FASN: variants seen among roughly 807,000 people sequenced by gnomAD.
FASN encodes the protein 3-hydroxyacyl-[acyl-carrier-protein] dehydratase.
Under a neutral mutation model 250.0 loss-of-function variants are expected in FASN, and 50 were observed. The observed-to-expected ratio is 0.20, with a 90% CI of 0.16 to 0.25. The LOEUF (loss-of-function observed/expected upper bound fraction) is 0.25. Among genes scored for constraint, FASN ranks in the 10% least tolerant of loss-of-function variants. FASN has a pLI of 1.00. For synonymous variants in FASN, 1,909 were observed against 1,584.0 expected (o/e 1.21, Z -4.87); for missense variants, 3,031 against 3,498.5 (o/e 0.87, Z 3.37).
intron 11 of FASN, among the ~76,000 whole-genome samples, 175 bp from the exon 12 acceptor site, chr17:82,089,901 G>C (rs956746602): frequency 6.6e-6 from 1 of 152,166 alleles, no homozygotes; most frequent in African/African-American, 2.4e-5. Flanking sequence ...GGGTGGAGGT[G>C]TCATTACAGA....
In FASN at chr17:82,079,384, G is replaced by A. The variant is rs1481488193; in HGVS notation, c.7371C>T (p.Asp2457=). The change falls in exon 42 of 43, where the codon GAC becomes GAT. Residue 2457 remains aspartate, a synonymous_variant. Transcript: ENST00000306749. ...RAKTGGAYGE[D]LGADYNLSQV... ...GGGAGAGGTTGTAGTCCGCGCCCAG[G>A]TCCTCGCCGTAGGCGCCACCCGTCT... 6 of 1,613,006 alleles carry A rather than the reference G, an allele frequency of 3.7e-6. No individual in the cohort carries two copies. The African/African-American group carries it at 4.0e-5, about 11-fold the overall frequency.
chr17:82,087,005 C>T, intron 21 of FASN, 45 bp downstream of exon 21: 1 of 1,597,504 alleles, frequency 6.3e-7, no homozygotes. Context: ...GGCGATCGCT[C>T]CTCATCGCCA....
chr17:82,092,862 G>GC (rs2034236776), intron 6 of FASN, 35 bp downstream of exon 6: 5 of 1,588,934 alleles, frequency 3.1e-6, no homozygotes, highest in Middle Eastern at 1.7e-4. Flanking sequence ...GCTCCCACCT[G>GC]CCCCCCAGCA....
In FASN at chr17:82,093,358, G is replaced by A. The variant is rs778037042; in HGVS notation, c.516C>T (p.Tyr172=). 1.9e-6 allele frequency: 3 copies of A among 1,603,728 alleles called. No homozygotes were observed. The highest frequency in any genetic ancestry group is 2.5e-6 in the Non-Finnish European group (3 of 1,176,892). The change falls in exon 5 of 43, where the codon TAC becomes TAT. Residue 172 remains tyrosine, a synonymous_variant. Coordinates refer to ENST00000306749, the MANE Select transcript of FASN (RefSeq NM_004104.5). ...GGCACTGCCCGCTGTGGATGGCCTG[G>A]TAGGCGTTCTGCAGGGCCATCAGGC... ...SSSLMALQNA[Y]QAIHSGQCPA...
In FASN at chr17:82,084,880, T is replaced by C; in HGVS notation, c.4483A>G (p.Lys1495Glu). ...EVDPGSAELQ[K>E]VLQGDLVMNV... ...ATCACCAGGTCTCCCTGCAACACCT[T>C]CTGCAGTTCTGCGGAGCCCGGGTCC... Residue 1495 changes from lysine (K) to glutamate (E), a missense_variant, in exon 26 of 43, where the codon AAG (lysine) becomes GAG (glutamate). By Grantham distance (56) the Lys-to-Glu change is moderately conservative (BLOSUM62 1). Transcript: ENST00000306749. The C allele has an allele frequency of 1.3e-6, 2 of 1,550,740 alleles. No homozygotes were observed. Among genetic ancestry groups the C allele is most frequent in the South Asian group, 2.4e-5 (2 of 84,132 alleles).
chr17:82,093,871 C>T, intron 3 of FASN, 100 bp from the exon 4 acceptor site: 1 of 1,333,956 alleles, frequency 7.5e-7, no homozygotes, highest in African/African-American at 1.5e-5. Flanking sequence ...CTTGGCCTCA[C>T]TGGCTTGGGG....
At chr17:82,087,600 T>G in intron 19 of FASN, 85 bp downstream of exon 19, 1 of 1,600,654 alleles carries the variant, frequency 6.2e-7, no homozygotes, top group Non-Finnish European at 8.5e-7. Context: ...CCAAGCTGCA[T>G]GCCTAGCTGT....
rs200646707 is a variant in FASN at position 82,082,313 on chromosome 17, C to T, written c.6011+10G>A. On this transcript the variant is annotated intron_variant, in intron 35 of 42. Transcript: ENST00000306749. ...CGGCAGAGGCGGGAGCAGGGCTGTGCGGTACCCACCTGTCCAGGTTCAGGG... is the reference window on the plus strand; with the variant it reads ...CGGCAGAGGCGGGAGCAGGGCTGTGTGGTACCCACCTGTCCAGGTTCAGGG... The T allele has an allele frequency of 7.3e-5, 118 of 1,611,834 alleles. No homozygotes were observed. The highest frequency in any genetic ancestry group is 6.5e-4 in the East Asian group (29 of 44,884).
rs201822969 is a variant in FASN at position 82,079,413 on chromosome 17, C to T, written c.7342G>A (p.Ala2448Thr). The T allele has an allele frequency of 3.8e-5, 61 of 1,613,012 alleles. No individual in the cohort carries two copies. In the African/African-American group the frequency reaches 5.3e-4, roughly 14 times the overall value. Residue 2448 changes from alanine to threonine, a missense_variant, in exon 42 of 43, where the codon GCC (alanine) becomes ACC (threonine). Transcript: ENST00000306749. The stretch of plus-strand genomic sequence containing the variant: ...TCGCCGTAGGCGCCACCCGTCTTGG[C>T]GCGCAGTAGCATCACGTTGCCATGG... ...KYHGNVMLLR[A>T]KTGGAYGEDL...
At chr17:82,083,481 C>T in intron 31 of FASN, 36 bp downstream of exon 31, 1 of 1,612,758 alleles carries the variant, frequency 6.2e-7, no homozygotes, top group Non-Finnish European at 8.5e-7. Context: ...CCACACCCAT[C>T]CATGCCCACC....
chr17:82,094,775 G>A (rs11077968), intron 3 of FASN, among the ~76,000 whole-genome samples: 36,321 of 151,392 alleles, frequency 0.24, 5,141 homozygotes, highest in Non-Finnish European at 0.32. Context: ...GTGACAGAGT[G>A]AGACTCCGTC....
chr17:82,087,778 A>G lies in FASN; in HGVS notation c.2950T>C (p.Phe984Leu), dbSNP rs1210552097. The change falls in exon 19 of 43, where the codon TTC (phenylalanine) becomes CTC (leucine). Residue 984 changes from phenylalanine (F) to leucine (L), a missense_variant. Transcript: ENST00000306749. ...SPTPNPTEPL[F>L]LAQAEVYKEL... ...TTGTAAACTTCAGCCTGGGCCAGGA[A>G]GAGGGGCTCCGTGGGGTTGGGGGTG... The G allele has an allele frequency of 6.2e-7, 1 of 1,612,350 alleles. No homozygotes were observed. Among genetic ancestry groups the G allele is most frequent in the African/African-American group, 1.3e-5 (1 of 75,018 alleles).
intron 1 of FASN, among the ~76,000 whole-genome samples, chr17:82,097,696 C>A (rs562875091): frequency 6.6e-6 from 1 of 152,138 alleles, no homozygotes; most frequent in South Asian, 2.1e-4. Flanking sequence ...GGAGGCCGGT[C>A]CCGGCGCGGC....
chr17:82,088,574 G>A lies in FASN; in HGVS notation c.2421-12C>T, dbSNP rs200592174. The A allele has an allele frequency of 2.1e-5, 34 of 1,603,016 alleles. No homozygotes were observed. In the East Asian group the frequency reaches 6.9e-4, roughly 33 times the overall value. ...GGTTGGCGTCGATGCTACGGAGAAG[G>A]GAGGCATGGGTAGCACACCCGTCAC... On this transcript the variant is annotated splice_polypyrimidine_tract_variant and intron_variant, in intron 15 of 42. Transcript: ENST00000306749.
Position 82,084,255 on chromosome 17 carries a change from A to C in FASN, c.4898T>G (p.Leu1633Arg), listed in dbSNP as rs1258841295. The change falls in exon 28 of 43, where the codon CTC becomes CGC. Residue 1633 changes from leucine (L) to arginine (R), a missense_variant. Coordinates refer to ENST00000306749, the MANE Select transcript of FASN (RefSeq NM_004104.5). ...ATSVLLSPDF[L>R]WDVPSNWTLE... ...TCACCAGTTGGAAGGCACATCCCAG[A>C]GGAAGTCCGGTGACAGCAGGACAGA... 1.1e-5 allele frequency: 17 copies of C among 1,612,036 alleles called. No homozygotes were observed. The highest frequency in any genetic ancestry group is 1.3e-5 in the Non-Finnish European group (15 of 1,179,652).
In FASN at chr17:82,081,699, T is replaced by C; in HGVS notation, c.6308A>G (p.His2103Arg). 1 of 1,612,780 alleles carries C rather than the reference T, an allele frequency of 6.2e-7. No individual in the cohort carries two copies. The highest frequency in any genetic ancestry group is 1.3e-5 in the African/African-American group (1 of 75,032). Residue 2103 changes from histidine (H) to arginine (R), a missense_variant, in exon 37 of 43, where the codon CAC becomes CGC. By Grantham distance (29) the His-to-Arg change is conservative. Coordinates refer to ENST00000306749, the MANE Select transcript of FASN (RefSeq NM_004104.5). ...CAGCACAAAGCTGCTCAGGACCATGTGGGGCTGGTTCAGGAAGAGGTCCAG... is the reference window on the plus strand; with the variant it reads ...CAGCACAAAGCTGCTCAGGACCATGCGGGGCTGGTTCAGGAAGAGGTCCAG... ...EVLDLFLNQPHMVLSSFVLAE... is the reference protein window; with the variant it reads ...EVLDLFLNQPRMVLSSFVLAE...
At position 82,082,539 on chromosome 17, in the gene FASN, G is replaced by A; in HGVS notation, c.5907C>T (p.Phe1969=). The A allele has an allele frequency of 6.2e-7, 1 of 1,608,596 alleles. No individual in the cohort carries two copies. The highest frequency in any genetic ancestry group is 2.2e-5 in the East Asian group (1 of 44,870). ...GGCCTTCCCTCACCACGGCCAGGTT[G>A]AAGACGCCGCCCACGGGCCCAAGCT... ...AAQLGPVGGV[F]NLAVVLRDGL... Residue 1969 remains phenylalanine (F), a synonymous_variant, in exon 34 of 43, where the codon TTC becomes TTT. Transcript: ENST00000306749.
rs755776637 is a variant in FASN, at chr17:82,085,231, G to A, written c.4287+7C>T. On this transcript the variant is annotated splice_region_variant and intron_variant, in intron 24 of 42. Coordinates refer to ENST00000306749, the MANE Select transcript of FASN (RefSeq NM_004104.5). ...GGGTGGGGCCTGGAGGTGGGGCAGG[G>A]CCTGACCTTCAGAGACTCCACCCAG... The A allele has an allele frequency of 6.2e-7, 1 of 1,612,064 alleles. No homozygotes were observed. Among genetic ancestry groups the A allele is most frequent in the South Asian group, 1.1e-5 (1 of 91,050 alleles).
chr17:82,091,140 A>G (rs541059377), intron 9 of FASN, 71 bp from the exon 10 acceptor site: 2 of 1,604,052 alleles, frequency 1.2e-6, no homozygotes, highest in East Asian at 2.2e-5. Flanking sequence ...CGTCCCAGAG[A>G]GCACCTCAGG....
Sources: gnomAD v4.1 joint callset for allele counts (sites outside exome capture counted in the v4.1 genomes callset) on GRCh38, gnomAD v4.1.1 for gene constraint, MANE v1.5 for transcripts, NCBI Gene and HGNC (gene_info 2026-07-23, HGNC 2026-07-21) for gene names.